CNTNAP2: variants seen among roughly 807,000 people sequenced by gnomAD.
CNTNAP2 encodes contactin-associated protein-like 2.
In CNTNAP2, 98 loss-of-function variants were observed where a neutral mutation model predicts 155.2. That is an observed-to-expected ratio of 0.63 (90% CI 0.54 to 0.75). The LOEUF (loss-of-function observed/expected upper bound fraction) is 0.75. CNTNAP2 is among the 30% of genes least tolerant of loss of function. The pLI, the probability that CNTNAP2 is intolerant of heterozygous loss-of-function variation, is 0.00. For synonymous variants in CNTNAP2, 651 were observed against 631.2 expected (o/e 1.03, Z -0.47); for missense variants, 1,727 against 1,688.1 (o/e 1.02, Z -0.40).
At chr7:148,002,267 C>A (rs1024705442) in intron 15 of CNTNAP2, among the ~76,000 whole-genome samples, 1 of 151,968 alleles carries the variant, frequency 6.6e-6, no homozygotes, top group Non-Finnish European at 1.5e-5. Flanking sequence ...GATAAGCATA[C>A]GCTTTTTCAA....
At chr7:147,793,555 C>T (rs1168120516) in intron 13 of CNTNAP2, among the ~76,000 whole-genome samples, 1 of 152,098 alleles carries the variant, frequency 6.6e-6, no homozygotes, top group Non-Finnish European at 1.5e-5. Context: ...CAATACCACA[C>T]TGCCTTGATT....
chr7:147,502,472 A>G (rs1798832588), intron 11 of CNTNAP2, among the ~76,000 whole-genome samples: 1 of 152,180 alleles, frequency 6.6e-6, no homozygotes, highest in Non-Finnish European at 1.5e-5. Context: ...AGGGAGTAAA[A>G]TAATAGTAAA....
chr7:146,655,223 A>G (rs344486), intron 1 of CNTNAP2, among the ~76,000 whole-genome samples: 19,331 of 151,634 alleles, frequency 0.13, 1,740 homozygotes, highest in African/African-American at 0.26. Flanking sequence ...GACCAGCCCA[A>G]CCAACATGGC....
At chr7:146,973,608 G>A (rs926408586) in intron 3 of CNTNAP2, among the ~76,000 whole-genome samples, 15 of 152,090 alleles carry the variant, frequency 9.9e-5, no homozygotes, top group Non-Finnish European at 1.8e-4. Context: ...ACCATCATGA[G>A]ACATATTCCA....
intron 1 of CNTNAP2, among the ~76,000 whole-genome samples, chr7:146,124,088 G>A (rs187275022): frequency 1.4e-4 from 21 of 152,180 alleles, no homozygotes; most frequent in African/African-American, 4.3e-4. Context: ...TCACACACCC[G>A]GGCCTGTTGA....
At chr7:147,156,702 G>T (rs1008459564) in intron 8 of CNTNAP2, among the ~76,000 whole-genome samples, 1 of 152,152 alleles carries the variant, frequency 6.6e-6, no homozygotes, top group Non-Finnish European at 1.5e-5. Context: ...ATATGGTAGA[G>T]AAGATTTTTT....
chr7:146,664,221 G>A (rs897644912), intron 1 of CNTNAP2, among the ~76,000 whole-genome samples: 7 of 135,000 alleles, frequency 5.2e-5, no homozygotes, highest in Admixed American at 4.0e-4. Context: ...GTGTGCAGTG[G>A]CATGATCTCG....
At chr7:147,592,969 G>C (rs138438368) in intron 12 of CNTNAP2, among the ~76,000 whole-genome samples, 1 of 152,134 alleles carries the variant, frequency 6.6e-6, no homozygotes, top group African/African-American at 2.4e-5. Context: ...TGCAGGATGC[G>C]AGGCAAAGAC....
At chr7:147,712,603 A>G (rs999262058) in intron 13 of CNTNAP2, among the ~76,000 whole-genome samples, 4 of 152,152 alleles carry the variant, frequency 2.6e-5, no homozygotes, top group African/African-American at 4.8e-5. Flanking sequence ...TAGAACATGG[A>G]TGAAGCTGGA....
chr7:146,576,863 T>C (rs1426284276), intron 1 of CNTNAP2, among the ~76,000 whole-genome samples: 1 of 152,214 alleles, frequency 6.6e-6, no homozygotes, highest in Non-Finnish European at 1.5e-5. Context: ...TGTAATTATT[T>C]TTAGGTGTAA....
chr7:146,414,275 A>C (rs1795906747), intron 1 of CNTNAP2, among the ~76,000 whole-genome samples: 2 of 152,114 alleles, frequency 1.3e-5, no homozygotes, highest in African/African-American at 4.8e-5. Context: ...GGTGGTGTCA[A>C]CTCTGCGATT....
At chr7:148,142,087 A>T (rs1435852356) in intron 16 of CNTNAP2, among the ~76,000 whole-genome samples, 1 of 124,774 alleles carries the variant, frequency 8.0e-6, no homozygotes, top group Non-Finnish European at 1.7e-5. Flanking sequence ...GAGTAGAGAT[A>T]TGTCTCTGTG....
chr7:146,670,466 T>A (rs1433920151), intron 1 of CNTNAP2, among the ~76,000 whole-genome samples: 1 of 61,092 alleles, frequency 1.6e-5, no homozygotes, highest in Admixed American at 1.0e-4. Context: ...ATGTGCGAAC[T>A]CTAGCAAAAA....
chr7:146,978,189 A>C (rs1797949658), intron 3 of CNTNAP2, among the ~76,000 whole-genome samples: 1 of 152,202 alleles, frequency 6.6e-6, no homozygotes, highest in African/African-American at 2.4e-5. Context: ...AGATAATTTG[A>C]CTATTTAAAA....
chr7:148,190,404 C>T (rs997029488), intron 18 of CNTNAP2: 1 of 152,146 alleles, frequency 6.6e-6, no homozygotes, highest in African/African-American at 2.4e-5. Flanking sequence ...GGGGAGCAAT[C>T]TGTTAGGTAG....
intron 13 of CNTNAP2, among the ~76,000 whole-genome samples, chr7:147,899,892 CA>C (rs11366376): frequency 0.32 from 45,384 of 141,572 alleles, 7,021 homozygotes; most frequent in Middle Eastern, 0.44. Context: ...GACTCCATCT[CA>C]AAAAAAAAAA....
rs557843728 is a variant in CNTNAP2, at chr7:147,124,941, C to A, written c.940-3752C>A. Among the ~76,000 whole-genome samples, 526 of 135,284 alleles carry A rather than the reference C, an allele frequency of 3.9e-3. 4 individuals are homozygous for A. The highest frequency in any genetic ancestry group is 0.014 in the African/African-American group (509 of 35,282). The allele number at this position is 135,284 out of a possible 152,430, so 88.8% of individuals were successfully genotyped here. A position where few individuals can be genotyped will look rare whatever the true frequency, so the allele number is the denominator to read the frequency against. ...CTATCACTAGGCTGGAGTGCAGTGGCGCGATTTTGGCTCACTGCAACCTCC... is the reference window on the plus strand; with the variant it reads ...CTATCACTAGGCTGGAGTGCAGTGGAGCGATTTTGGCTCACTGCAACCTCC... On this transcript the variant is annotated intron_variant, in intron 6 of 23. Transcript: ENST00000361727.
chr7:148,370,639 C>A (rs1284203682), intron 21 of CNTNAP2, among the ~76,000 whole-genome samples: 2 of 151,442 alleles, frequency 1.3e-5, no homozygotes, highest in African/African-American at 2.4e-5. Flanking sequence ...TGGTCCCCCC[C>A]TACCCCTGCC....
chr7:146,277,705 A>G (rs1221736420), intron 1 of CNTNAP2, among the ~76,000 whole-genome samples: 1 of 152,206 alleles, frequency 6.6e-6, no homozygotes, highest in Non-Finnish European at 1.5e-5. Context: ...TTTTGTAAAG[A>G]ATTGTAAATA....
Sources: allele counts gnomAD v4.1 joint callset (sites outside exome capture counted in the v4.1 genomes callset), GRCh38; gene constraint gnomAD v4.1.1; transcripts MANE v1.5; gene names NCBI Gene and HGNC (gene_info 2026-07-23, HGNC 2026-07-21).